PDLIM3: variants seen among roughly 807,000 people sequenced by gnomAD.
PDLIM3 encodes PDZ and LIM domain protein 3.
A neutral mutation model predicts 37.3 loss-of-function variants in PDLIM3; 36 were observed. The observed-to-expected ratio is 0.97, with a 90% CI of 0.74 to 1.28. The LOEUF (loss-of-function observed/expected upper bound fraction) is 1.28. Among genes scored for constraint, PDLIM3 ranks in the 50% most tolerant of loss-of-function variants. The pLI is 0.00. For synonymous variants in PDLIM3, 174 were observed against 182.4 expected, an observed-to-expected ratio of 0.95 and a Z score of 0.37; for missense variants, 454 against 485.0, an observed-to-expected ratio of 0.94 and a Z score of 0.60.
intron 1 of PDLIM3, among the ~76,000 whole-genome samples, chr4:185,532,576 C>T (rs1008300768): frequency 1.3e-5 from 2 of 151,912 alleles, no homozygotes; most frequent in African/African-American, 4.8e-5. Flanking sequence ...GTCCAGAGGG[C>T]GGTACCACTG....
chr4:185,514,656 C>T lies in PDLIM3; in HGVS notation c.331-319G>A, dbSNP rs1383596801. 2 of 1,477,250 alleles carry T rather than the reference C, an allele frequency of 1.4e-6. No individual in the cohort carries two copies. The highest frequency in any genetic ancestry group is 1.8e-6 in the Non-Finnish European group (2 of 1,101,704). The allele number at this position is 1,477,250 out of a possible 1,614,324, so 91.5% of individuals were successfully genotyped here. On this transcript the variant is annotated intron_variant, in intron 3 of 7. Transcript: ENST00000284767. The surrounding 1 kb of genome is among the most constrained non-coding windows in gnomAD (Gnocchi z 4.0). ...ACTTTTGAAAAGAAAAGAAACCATG[C>T]TATCACTGTTAGGTACACTGTGGCC...
chr4:185,514,691 C>A lies in PDLIM3; in HGVS notation c.331-354G>T, dbSNP rs28447263. ...TAGGTACACTGTGGCCAGAACAGAGCCGGATACTTACTTTTGAGGTGAGCT... is the reference window on the plus strand; with the variant it reads ...TAGGTACACTGTGGCCAGAACAGAGACGGATACTTACTTTTGAGGTGAGCT... On this transcript the variant is annotated intron_variant, in intron 3 of 7. Transcript: ENST00000284767. The surrounding 1 kb of genome is among the most constrained non-coding windows in gnomAD (Gnocchi z 4.0). 6.4e-7 allele frequency: 1 copy of A among 1,550,526 alleles called. No individual in the cohort carries two copies. Among genetic ancestry groups the A allele is most frequent in the African/African-American group, 1.4e-5 (1 of 73,084 alleles).
chr4:185,511,880 G>A (rs745862139), intron 4 of PDLIM3, among the ~76,000 whole-genome samples: 43 of 151,906 alleles, frequency 2.8e-4, no homozygotes, highest in Admixed American at 4.6e-4. Context: ...AACAGCACAC[G>A]TACCCCATAA....
At chr4:185,503,411 G>A (rs2095690814) in intron 7 of PDLIM3, among the ~76,000 whole-genome samples, 1 of 152,184 alleles carries the variant, frequency 6.6e-6, no homozygotes, top group Non-Finnish European at 1.5e-5. Flanking sequence ...TCTGCTCCGA[G>A]CTCCCTGCCC....
At chr4:185,507,368 A>C (rs1226902949) in intron 5 of PDLIM3, among the ~76,000 whole-genome samples, 1 of 152,208 alleles carries the variant, frequency 6.6e-6, no homozygotes, top group Non-Finnish European at 1.5e-5. Context: ...ATAGACAATA[A>C]AGAATTTCAT....
chr4:185,508,487 G>C lies in PDLIM3; in HGVS notation c.474C>G (p.Thr158=), dbSNP rs746224592. The change falls in exon 5 of 8, where the codon ACC becomes ACG. Residue 158 remains threonine (T), a synonymous_variant. Coordinates refer to ENST00000284767, the MANE Select transcript of PDLIM3 (RefSeq NM_014476.6). Reference sequence around the variant, plus strand: ...CAACTTTCAAGTCACCTGGGCAAATGGTACTAACAGTACTGACAGAAGAAG... The same window carrying C: ...CAACTTTCAAGTCACCTGGGCAAATCGTACTAACAGTACTGACAGAAGAAG... ...STPSSVSTVS[T]ICPGDLKVAA... 8 of 1,614,168 alleles carry C rather than the reference G, an allele frequency of 5.0e-6. No individual in the cohort carries two copies. Among genetic ancestry groups the C allele is most frequent in the Non-Finnish European group, 6.8e-6 (8 of 1,180,020 alleles).
chr4:185,527,527 C>T (rs992314679), intron 1 of PDLIM3, among the ~76,000 whole-genome samples: 7 of 152,168 alleles, frequency 4.6e-5, no homozygotes, highest in Non-Finnish European at 7.3e-5. Flanking sequence ...TTAATAGAAG[C>T]TGGGTGAAGA....
In PDLIM3 at chr4:185,535,438, G is replaced by A. The variant is rs1349003625; in HGVS notation, c.-4C>T. 24 of 1,585,546 alleles carry A rather than the reference G, an allele frequency of 1.5e-5. No homozygotes were observed. Among genetic ancestry groups the A allele is most frequent in the Non-Finnish European group, 1.9e-5 (22 of 1,167,332 alleles). On this transcript the variant is annotated 5_prime_UTR_variant, in exon 1 of 8. Transcript: ENST00000284767. The stretch of plus-strand genomic sequence containing the variant: ...GGAGGATCACCGTCTGGGGCATGCC[G>A]CCTTCCTCCCGCCCACCGGGCTCTA...
intron 5 of PDLIM3, chr4:185,506,924 C>A: frequency 2.5e-6 from 1 of 395,510 alleles, no homozygotes. Flanking sequence ...AGATAATTGT[C>A]AGGAAATAGT....
At position 185,501,873 on chromosome 4, in the gene PDLIM3, A is replaced by G. The variant is rs1381333273; in HGVS notation, c.*421T>C. On this transcript the variant is annotated 3_prime_UTR_variant, in exon 8 of 8. Transcript: ENST00000284767. ...ATGCACTGTAATAGTTAAAACACAT[A>G]CAGACAACTGCAGATTATGTTAGAA... 6 of 274,200 alleles carry G rather than the reference A, an allele frequency of 2.2e-5. No homozygotes were observed. The East Asian group carries it at 5.6e-4, about 26-fold the overall frequency. The allele number at this position is 274,200 out of a possible 1,614,324, so 17.0% of individuals were successfully genotyped here. A position where few individuals can be genotyped will look rare whatever the true frequency, so the allele number is the denominator to read the frequency against.
chr4:185,509,242 C>A (rs1670858828), intron 4 of PDLIM3, among the ~76,000 whole-genome samples: 1 of 152,002 alleles, frequency 6.6e-6, no homozygotes, highest in South Asian at 2.1e-4. Context: ...TACTTTAAGA[C>A]AATTGTTCAG....
rs1229843243 is a variant in PDLIM3 at position 185,514,238 on chromosome 4, A to C, written c.398+32T>G. On this transcript the variant is annotated intron_variant, in intron 4 of 7. Coordinates refer to ENST00000284767, the MANE Select transcript of PDLIM3 (RefSeq NM_014476.6). The surrounding 1 kb of genome is among the most constrained non-coding windows in gnomAD (Gnocchi z 4.0). ...GTAAGAACTGATTTAAGAAGCATGC[A>C]CTGCAAACTCCACAGTCTCAGCGCT... 3 of 1,614,228 alleles carry C rather than the reference A, an allele frequency of 1.9e-6. No individual in the cohort carries two copies. The highest frequency in any genetic ancestry group is 1.7e-6 in the Non-Finnish European group (2 of 1,180,022).
At position 185,514,748 on chromosome 4, in the gene PDLIM3, G is replaced by T. The variant is rs1235779274; in HGVS notation, c.331-411C>A. 1 of 1,552,106 alleles carries T rather than the reference G, an allele frequency of 6.4e-7. No homozygotes were observed. The stretch of plus-strand genomic sequence containing the variant: ...GAGACCCCGCAGCTGTCCGTGAAGC[G>T]CATCTTGTATATTGCTAGTTGAATA... On this transcript the variant is annotated intron_variant, in intron 3 of 7. Transcript: ENST00000284767. This position sits in a 1 kb window ranked among gnomAD's most constrained non-coding sequence, Gnocchi z 4.0.
At chr4:185,523,487 G>C in intron 2 of PDLIM3, 41 bp from the exon 3 acceptor site, 1 of 1,232,398 alleles carries the variant, frequency 8.1e-7, no homozygotes, top group Non-Finnish European at 1.2e-6. Flanking sequence ...AATTCTAATG[G>C]TACTTTCAGT....
At position 185,506,653 on chromosome 4, in the gene PDLIM3, C is replaced by G; in HGVS notation, c.663-1G>C. ...GGGGGGCACCGAGGCTGTGGGCTCG[C>G]TGAAACACAGGCACGGCGGGGAGCA... On this transcript the variant is annotated splice_acceptor_variant, in intron 5 of 7. Transcript: ENST00000284767. LOFTEE classifies it high-confidence loss of function. 1 of 1,603,940 alleles carries G rather than the reference C, an allele frequency of 6.2e-7. No individual in the cohort carries two copies. Among genetic ancestry groups the G allele is most frequent in the Non-Finnish European group, 8.5e-7 (1 of 1,179,864 alleles).
At position 185,504,706 on chromosome 4, in the gene PDLIM3, G is replaced by A. The variant is rs114256269; in HGVS notation, c.794-120C>T. ...TGCATCTGCACCGTCATTCCGAGAG[G>A]GGCAGGACTGATGCAATCATAAGGG... On this transcript the variant is annotated intron_variant, in intron 6 of 7. Transcript: ENST00000284767. This position sits in a 1 kb window ranked among gnomAD's most constrained non-coding sequence, Gnocchi z 4.7. The A allele has an allele frequency of 0.01, 7,675 of 752,430 alleles. 167 individuals carry two copies. Among genetic ancestry groups the A allele is most frequent in the African/African-American group, 0.067 (3,916 of 58,070 alleles). 46.6% of individuals were successfully genotyped at this position (752,430 alleles called of 1,614,324 possible). A position where few individuals can be genotyped will look rare whatever the true frequency, so the allele number is the denominator to read the frequency against.
At chr4:185,523,851 C>G (rs1251558404) in intron 2 of PDLIM3, among the ~76,000 whole-genome samples, 1 of 151,886 alleles carries the variant, frequency 6.6e-6, no homozygotes, top group Non-Finnish European at 1.5e-5. Flanking sequence ...CTCTGGACCT[C>G]AAGTGATCCG....
At chr4:185,523,300 G>T in intron 3 of PDLIM3, 62 bp downstream of exon 3, 1 of 1,165,824 alleles carries the variant, frequency 8.6e-7, no homozygotes, top group Non-Finnish European at 1.3e-6. Flanking sequence ...TCCTCCCCTT[G>T]GAAGGCATCC....
At chr4:185,516,504 A>G (rs1235664102) in intron 3 of PDLIM3, 4 of 152,236 alleles carry the variant, frequency 2.6e-5, no homozygotes, top group African/African-American at 9.6e-5. Flanking sequence ...GAAAGAAAAG[A>G]GAGTGTCTCT....
Sources: allele counts gnomAD v4.1 joint callset (sites outside exome capture counted in the v4.1 genomes callset), GRCh38; gene constraint gnomAD v4.1.1; non-coding constraint Gnocchi (gnomAD v3.1); transcripts MANE v1.5; gene names NCBI Gene and HGNC (gene_info 2026-07-23, HGNC 2026-07-21).